The following DEPTOR variants were observed in gnomAD, a reference collection of about 807,000 sequenced individuals.
DEPTOR encodes DEP domain-containing mTOR-interacting protein.
DEPTOR carries 41 observed loss-of-function variants against 41.6 expected under a neutral mutation model. The ratio of observed to expected loss-of-function variants is 0.98; its 90% CI spans 0.77 to 1.28. The LOEUF (loss-of-function observed/expected upper bound fraction) is 1.28, where lower values mean the gene tolerates loss of function less well. Ranked by LOEUF, DEPTOR falls within the 50% of genes most tolerant of loss-of-function variation. DEPTOR has a pLI of 0.00. For synonymous variants in DEPTOR, 195 were observed against 192.3 expected (o/e 1.01, Z -0.12); for missense variants, 514 against 527.9 (o/e 0.97, Z 0.26).
At chr8:119,917,002 C>T (rs941271968) in intron 1 of DEPTOR, among the ~76,000 whole-genome samples, 1 of 152,196 alleles carries the variant, frequency 6.6e-6, no homozygotes, top group African/African-American at 2.4e-5. Context: ...TACTCTTGGG[C>T]TTAAGCAATC....
At chr8:119,990,093 A>T (rs1812128668) in intron 4 of DEPTOR, among the ~76,000 whole-genome samples, 1 of 152,188 alleles carries the variant, frequency 6.6e-6, no homozygotes, top group Non-Finnish European at 1.5e-5. Context: ...CTTGTTCTGC[A>T]TGTTATCACT....
In DEPTOR at chr8:120,049,584, G is replaced by C. The variant is rs191116838; in HGVS notation, c.1110G>C (p.Gln370His). The C allele has an allele frequency of 3.0e-5, 48 of 1,613,494 alleles. No individual in the cohort carries two copies. In the East Asian group the frequency reaches 1.1e-3, roughly 36 times the overall value. ...TTGCATCTTTCCTTTAGGTCTGTCA[G>C]TTTGTCGTCTCTGTCAACGGGCTCA... is the stretch of plus-strand genomic sequence containing the variant. Reference protein sequence around the residue: ...PAAAAGMKVCQFVVSVNGLNV... With the variant: ...PAAAAGMKVCHFVVSVNGLNV... The change falls in exon 9 of 9, where the codon CAG (glutamine) becomes CAC (histidine). Residue 370 changes from glutamine to histidine, a missense_variant. By Grantham distance (24) the Gln-to-His change is conservative. Transcript: ENST00000286234.
intron 1 of DEPTOR, among the ~76,000 whole-genome samples, chr8:119,905,907 T>A (rs1827657151): frequency 6.6e-6 from 1 of 152,112 alleles, no homozygotes; most frequent in East Asian, 1.9e-4. Context: ...TCTCCCAAAG[T>A]GCTGGGATTA....
At chr8:119,934,456 G>A (rs528824719) in intron 3 of DEPTOR, among the ~76,000 whole-genome samples, 25 of 152,344 alleles carry the variant, frequency 1.6e-4, no homozygotes, top group African/African-American at 5.1e-4. Context: ...AGGCTCTGGA[G>A]TCACACAGCC....
chr8:119,893,797 A>G (rs1330405735), intron 1 of DEPTOR, among the ~76,000 whole-genome samples: 1 of 151,788 alleles, frequency 6.6e-6, no homozygotes, highest in East Asian at 1.9e-4. Context: ...ATCTCTCCAT[A>G]GGTTCTTGAG....
At chr8:120,041,742 T>C (rs949997099) in intron 8 of DEPTOR, among the ~76,000 whole-genome samples, 3 of 152,110 alleles carry the variant, frequency 2.0e-5, no homozygotes, top group African/African-American at 7.2e-5. Context: ...TTCACCATGT[T>C]GGCCAGGCTG....
intron 1 of DEPTOR, 127 bp from the exon 2 acceptor site, chr8:119,928,273 G>A (rs548616077): frequency 4.0e-6 from 4 of 987,890 alleles, no homozygotes; most frequent in Admixed American, 5.5e-5. Context: ...ATCACCAAGC[G>A]AGCTAAAGAT....
At chr8:119,972,622 C>CAAAAA (rs59750717) in intron 4 of DEPTOR, among the ~76,000 whole-genome samples, 6 of 138,388 alleles carry the variant, frequency 4.3e-5, no homozygotes, top group African/African-American at 5.4e-5. Flanking sequence ...GACTCTGTCT[C>CAAAAA]AAAAAAAAAA....
chr8:120,026,670 A>G (rs1812801798), intron 8 of DEPTOR, among the ~76,000 whole-genome samples: 1 of 152,094 alleles, frequency 6.6e-6, no homozygotes, highest in Non-Finnish European at 1.5e-5. Context: ...AGGTAAGGAA[A>G]GTAAGGCCCA....
At chr8:119,892,604 T>G (rs538528549) in intron 1 of DEPTOR, among the ~76,000 whole-genome samples, 1 of 152,218 alleles carries the variant, frequency 6.6e-6, no homozygotes, top group Non-Finnish European at 1.5e-5. Context: ...ATTTTTCTTA[T>G]GCCTGTGTTG....
chr8:119,948,748 TTC>T (rs2129918928), intron 3 of DEPTOR, among the ~76,000 whole-genome samples: 1 of 152,212 alleles, frequency 6.6e-6, no homozygotes, highest in African/African-American at 2.4e-5. Context: ...TTAATCTACT[TTC>T]TGTCTCTATA....
At chr8:119,900,540 C>T (rs1827577106) in intron 1 of DEPTOR, among the ~76,000 whole-genome samples, 1 of 151,330 alleles carries the variant, frequency 6.6e-6, no homozygotes, top group East Asian at 2.0e-4. Context: ...GCATGTGCCA[C>T]CACACCTGGC....
chr8:119,930,558 G>A (rs1327221519), intron 3 of DEPTOR, among the ~76,000 whole-genome samples: 3 of 152,026 alleles, frequency 2.0e-5, no homozygotes, highest in Non-Finnish European at 2.9e-5. Flanking sequence ...TTTAAATACT[G>A]TTGTTTTGTA....
At chr8:119,950,342 T>C (rs1251906156) in intron 3 of DEPTOR, among the ~76,000 whole-genome samples, 1 of 152,260 alleles carries the variant, frequency 6.6e-6, no homozygotes, top group Non-Finnish European at 1.5e-5. Context: ...CCTGTTATTA[T>C]GTAGAAAGGC....
intron 3 of DEPTOR, among the ~76,000 whole-genome samples, chr8:119,932,652 C>CA (rs1366249750): frequency 2.6e-5 from 4 of 152,180 alleles, no homozygotes; most frequent in Non-Finnish European, 5.9e-5. Flanking sequence ...AAAGCCCCTG[C>CA]CTTCATGAGC....
At chr8:119,991,472 C>T (rs999259969) in intron 4 of DEPTOR, among the ~76,000 whole-genome samples, 3 of 152,100 alleles carry the variant, frequency 2.0e-5, no homozygotes, top group African/African-American at 7.2e-5. Context: ...TGTGCCACCA[C>T]ACCGGGCTAA....
At chr8:120,009,000 T>A (rs182345570) in intron 7 of DEPTOR, 29 bp from the exon 8 acceptor site, 1 of 1,608,894 alleles carries the variant, frequency 6.2e-7, no homozygotes, top group African/African-American at 1.3e-5. Context: ...GACAGTCGGC[T>A]GCTTGCTAAT....
At chr8:120,028,174 G>A (rs1251007739) in intron 8 of DEPTOR, among the ~76,000 whole-genome samples, 1 of 151,678 alleles carries the variant, frequency 6.6e-6, no homozygotes, top group Non-Finnish European at 1.5e-5. Flanking sequence ...TTTTTTCCTG[G>A]AGATGGAGTC....
intron 8 of DEPTOR, among the ~76,000 whole-genome samples, chr8:120,021,991 T>A (rs1445256302): frequency 3.3e-5 from 5 of 151,732 alleles, no homozygotes; most frequent in Admixed American, 2.6e-4. Context: ...ACAGAAAAAG[T>A]TAGCCAGACT....
Sources: allele counts gnomAD v4.1 joint callset (sites outside exome capture counted in the v4.1 genomes callset), GRCh38; gene constraint gnomAD v4.1.1; transcripts MANE v1.5; gene names NCBI Gene and HGNC (gene_info 2026-07-23, HGNC 2026-07-21).